Variants in ZNF326 observed in about 807,000 individuals in gnomAD.
ZNF326 encodes DBIRD complex subunit ZNF326.
Under a neutral mutation model 63.1 loss-of-function variants are expected in ZNF326, and 30 were observed. That is an observed-to-expected ratio of 0.48 (90% CI 0.36 to 0.64). The LOEUF (loss-of-function observed/expected upper bound fraction) is 0.64, where lower values mean the gene tolerates loss of function less well. ZNF326 is among the 30% of genes least tolerant of loss of function. The probability of loss-of-function intolerance (pLI) is 0.00; values close to 1 mark genes in which losing one functional copy is unlikely to be tolerated. For synonymous variants in ZNF326, 194 were observed against 228.2 expected (o/e 0.85, Z 1.35); for missense variants, 609 against 720.3 (o/e 0.85, Z 1.77).
intron 1 of ZNF326, among the ~76,000 whole-genome samples, chr1:89,996,183 A>G (rs1460414508): frequency 2.0e-5 from 3 of 152,242 alleles, no homozygotes; most frequent in African/African-American, 7.2e-5. Flanking sequence ...TGTCAAGATA[A>G]AGTGGTATGT....
chr1:90,018,827 T>C, intron 9 of ZNF326, 43 bp downstream of exon 9: 1 of 1,186,700 alleles, frequency 8.4e-7, no homozygotes, highest in East Asian at 2.6e-5. Flanking sequence ...TACATGTATT[T>C]TTATATATCA....
intron 6 of ZNF326, among the ~76,000 whole-genome samples, 165 bp downstream of exon 6, chr1:90,010,451 A>G (rs938588365): frequency 3.3e-5 from 5 of 152,190 alleles, no homozygotes; most frequent in Admixed American, 2.6e-4. Flanking sequence ...TTGGTCATGA[A>G]TACCCAAAGA....
At chr1:90,009,665 T>G (rs1305836526) in intron 5 of ZNF326, among the ~76,000 whole-genome samples, 1 of 152,074 alleles carries the variant, frequency 6.6e-6, no homozygotes, top group Non-Finnish European at 1.5e-5. Flanking sequence ...ACAAATATGG[T>G]CTTCTTTGTG....
chr1:90,003,360 C>G (rs1399724854), intron 2 of ZNF326, among the ~76,000 whole-genome samples: 1 of 152,164 alleles, frequency 6.6e-6, no homozygotes, highest in African/African-American at 2.4e-5. Flanking sequence ...TCTTGATCTC[C>G]TGACCTCGTG....
Position 90,021,470 on chromosome 1 carries a change from C to T in ZNF326, c.1305+548C>T, listed in dbSNP as rs1007018920. 8.5e-5 allele frequency among the ~76,000 whole-genome samples: 13 copies of T among 152,196 alleles called. No homozygotes were observed. The South Asian group carries it at 2.7e-3, about 31-fold the overall frequency. ...ATACATTTAAAAACAGCATTATCAG[C>T]TAGCATCTATTCTTACATTTTTTAG... On this transcript the variant is annotated intron_variant, in intron 10 of 11. Transcript: ENST00000340281.
At chr1:90,020,394 AC>A (rs1274207711) in intron 9 of ZNF326, among the ~76,000 whole-genome samples, 1 of 152,052 alleles carries the variant, frequency 6.6e-6, no homozygotes, top group East Asian at 1.9e-4. Context: ...GATCCAGAAT[AC>A]CTTTGTTCCT....
Position 90,031,553 on chromosome 1 carries a change from G to A in ZNF326, c.*3852G>A, listed in dbSNP as rs1431762779. 2 of 150,112 alleles carry A rather than the reference G, an allele frequency of 1.3e-5. No homozygotes were observed. The highest frequency in any genetic ancestry group is 3.9e-4 in the East Asian group (2 of 5,124). The allele number at this position is 150,112 out of a possible 1,614,324, so 9.3% of individuals were successfully genotyped here. A position where few individuals can be genotyped will look rare whatever the true frequency, so the allele number is the denominator to read the frequency against. On this transcript the variant is annotated 3_prime_UTR_variant, in exon 12 of 12. Coordinates refer to ENST00000340281, the MANE Select transcript of ZNF326 (RefSeq NM_182976.4). Reference sequence around the variant, plus strand: ...TACCATTTAGTGGCATTAATTACAAGCAACCTTTTTTTTTTTTTTTTGAGA... The same window carrying A: ...TACCATTTAGTGGCATTAATTACAAACAACCTTTTTTTTTTTTTTTTGAGA...
chr1:89,998,893 A>C (rs1446541060), intron 2 of ZNF326, among the ~76,000 whole-genome samples: 3 of 152,246 alleles, frequency 2.0e-5, no homozygotes, highest in Admixed American at 2.0e-4. Flanking sequence ...ATATTCACAA[A>C]GTAAAACTGA....
chr1:90,023,688 G>T (rs571968860), intron 11 of ZNF326, among the ~76,000 whole-genome samples: 1 of 152,202 alleles, frequency 6.6e-6, no homozygotes, highest in Non-Finnish European at 1.5e-5. Context: ...TTCTGAGAAA[G>T]TGGTTTCTAT....
chr1:90,027,656 G>A lies in ZNF326; in HGVS notation c.1704G>A (p.Lys568=), dbSNP rs756673602. ...EVEELEEETA[K]EEPADFPVEQ... The stretch of plus-strand genomic sequence containing the variant: ...AGGAATTAGAGGAAGAGACAGCAAA[G>A]GAAGAACCTGCTGACTTCCCTGTTG... The change falls in exon 12 of 12, where the codon AAG becomes AAA. Residue 568 remains lysine, a synonymous_variant. Transcript: ENST00000340281. 59 of 1,613,802 alleles carry A rather than the reference G, an allele frequency of 3.7e-5. No homozygotes were observed. The highest frequency in any genetic ancestry group is 4.9e-5 in the Non-Finnish European group (58 of 1,179,988).
intron 11 of ZNF326, among the ~76,000 whole-genome samples, chr1:90,023,787 A>G (rs1649884419): frequency 6.6e-6 from 1 of 152,222 alleles, no homozygotes; most frequent in South Asian, 2.1e-4. Context: ...GAGTCACTTC[A>G]TGGAATGAGA....
At chr1:89,999,032 G>A (rs1648540283) in intron 2 of ZNF326, among the ~76,000 whole-genome samples, 1 of 152,118 alleles carries the variant, frequency 6.6e-6, no homozygotes. Flanking sequence ...TAACATATAG[G>A]GAGTTAGTAC....
At position 90,035,060 on chromosome 1, in the gene ZNF326, T is replaced by C. The variant is rs1311066222; in HGVS notation, c.*7359T>C. On this transcript the variant is annotated 3_prime_UTR_variant, in exon 12 of 12. Transcript: ENST00000340281. ...CCTAAGATTGAACACATTCCAGATT[T>C]AAATTTTTCAGGCTGAGAATAGAAT... The C allele has an allele frequency of 3.9e-5, 6 of 152,244 alleles. No individual in the cohort carries two copies. Among genetic ancestry groups the C allele is most frequent in the African/African-American group, 1.2e-4 (5 of 41,462 alleles). 9.4% of individuals were successfully genotyped at this position (152,244 alleles called of 1,614,324 possible).
chr1:90,021,907 A>C (rs80160674), intron 10 of ZNF326, among the ~76,000 whole-genome samples: 1,766 of 152,278 alleles, frequency 0.012, 33 homozygotes, highest in African/African-American at 0.04. Flanking sequence ...ATACTCTTGT[A>C]GTATGAAAAA....
chr1:90,023,583 A>G (rs1350571778), intron 11 of ZNF326, among the ~76,000 whole-genome samples: 2 of 152,216 alleles, frequency 1.3e-5, no homozygotes, highest in Non-Finnish European at 2.9e-5. Flanking sequence ...GCAGCCCTCA[A>G]TTGAAATCCA....
intron 1 of ZNF326, 95 bp downstream of exon 1, chr1:89,995,368 T>G: frequency 1.4e-6 from 2 of 1,446,510 alleles, no homozygotes; most frequent in South Asian, 2.6e-5. Flanking sequence ...CCGTGTGGGC[T>G]TTGTTCTGCG....
chr1:90,005,181 T>C lies in ZNF326; in HGVS notation c.146T>C (p.Met49Thr). 3 of 1,614,058 alleles carry C rather than the reference T, an allele frequency of 1.9e-6. No individual in the cohort carries two copies. Among genetic ancestry groups the C allele is most frequent in the Non-Finnish European group, 2.5e-6 (3 of 1,179,990 alleles). Residue 49 changes from methionine (M) to threonine (T), a missense_variant, in exon 4 of 12, where the codon ATG (methionine) becomes ACG (threonine). By Grantham distance (81) the Met-to-Thr change is moderately conservative. Coordinates refer to ENST00000340281, the MANE Select transcript of ZNF326 (RefSeq NM_182976.4). Reference protein sequence around the residue: ...GHGSYGGQRSMDSYLNQSYGM... With the variant: ...GHGSYGGQRSTDSYLNQSYGM... ...GGATCCTATGGGGGTCAGAGATCCA[T>C]GGATTCCTACCTAAACCAGTCATAT...
At chr1:90,014,642 A>G (rs1229494488) in intron 7 of ZNF326, among the ~76,000 whole-genome samples, 1 of 152,100 alleles carries the variant, frequency 6.6e-6, no homozygotes, top group African/African-American at 2.4e-5. Context: ...TTGAGCCCAG[A>G]ATTTTGAGGC....
At position 89,999,831 on chromosome 1, in the gene ZNF326, TG is replaced by T. The variant is rs145687138; in HGVS notation, c.61+1680del. On this transcript the variant is annotated intron_variant, in intron 2 of 11. Coordinates refer to ENST00000340281, the MANE Select transcript of ZNF326 (RefSeq NM_182976.4). ...CAGCAAATATTTATTTAGTGCCTGC[TG>T]GGCATCAGATATCGTTCTAGGAGGT... is the stretch of plus-strand genomic sequence containing the variant. 2.5e-3 allele frequency among the ~76,000 whole-genome samples: 387 copies of T among 152,336 alleles called. 3 individuals carry two copies. The highest frequency in any genetic ancestry group is 9.0e-3 in the African/African-American group (373 of 41,574).
Sources: gnomAD v4.1 joint callset for allele counts (sites outside exome capture counted in the v4.1 genomes callset) on GRCh38, gnomAD v4.1.1 for gene constraint, MANE v1.5 for transcripts, NCBI Gene and HGNC (gene_info 2026-07-23, HGNC 2026-07-21) for gene names.